The following TEKT5 variants were observed in gnomAD, a reference collection of about 807,000 sequenced individuals.
The protein encoded by TEKT5 is tektin 5.
In TEKT5, 52 loss-of-function variants were observed where a neutral mutation model predicts 48.7. The observed-to-expected ratio is 1.07, with a 90% CI of 0.86 to 1.35. The LOEUF (loss-of-function observed/expected upper bound fraction) is 1.35. TEKT5 is among the 40% of genes most tolerant of loss of function. The pLI, the probability that TEKT5 is intolerant of heterozygous loss-of-function variation, is 0.00. For missense variants in TEKT5, 831 were observed against 641.6 expected (o/e 1.30, Z -3.19); for synonymous variants, 318 against 267.6 (o/e 1.19, Z -1.84).
chr16:10,651,367 G>A (rs1029879386), intron 5 of TEKT5, among the ~76,000 whole-genome samples: 1 of 152,140 alleles, frequency 6.6e-6, no homozygotes, highest in African/African-American at 2.4e-5. Context: ...CTGGCATACT[G>A]TATGTTTTAC....
intron 4 of TEKT5, among the ~76,000 whole-genome samples, chr16:10,677,606 C>G (rs973458905): frequency 6.8e-6 from 1 of 146,516 alleles, no homozygotes; most frequent in South Asian, 2.2e-4. Flanking sequence ...AAGACCCTGT[C>G]CCCCCCAACA....
chr16:10,679,608 C>G (rs992009791), intron 4 of TEKT5, among the ~76,000 whole-genome samples: 1 of 152,022 alleles, frequency 6.6e-6, no homozygotes. Context: ...TTAAGAAAAC[C>G]CTAAGGCCAG....
intron 3 of TEKT5, 131 bp downstream of exon 3, chr16:10,689,122 A>G: frequency 1.6e-6 from 1 of 630,742 alleles, no homozygotes; most frequent in Non-Finnish European, 2.7e-6. Context: ...GTTGTTGAAC[A>G]TTTACCAGCA....
chr16:10,645,451 G>A (rs903912022), intron 5 of TEKT5, among the ~76,000 whole-genome samples: 9 of 152,106 alleles, frequency 5.9e-5, no homozygotes, highest in African/African-American at 1.9e-4. Flanking sequence ...GGTGAAGGCT[G>A]CAGTGAGCCG....
chr16:10,635,047 C>T (rs757649710), intron 6 of TEKT5, among the ~76,000 whole-genome samples: 3 of 152,152 alleles, frequency 2.0e-5, no homozygotes, highest in Non-Finnish European at 4.4e-5. Context: ...TAAGATAATG[C>T]CCCTAGCATG....
chr16:10,690,832 G>C (rs1187546096), intron 1 of TEKT5: 1 of 964,058 alleles, frequency 1.0e-6, no homozygotes, highest in African/African-American at 1.8e-5. Flanking sequence ...CCCAGGAGCA[G>C]AAGGAAGCAG....
At chr16:10,647,195 C>A (rs564921791) in intron 5 of TEKT5, among the ~76,000 whole-genome samples, 1 of 151,828 alleles carries the variant, frequency 6.6e-6, no homozygotes, top group African/African-American at 2.4e-5. Flanking sequence ...GTGGGCTGGG[C>A]GCGGTGGCTG....
intron 5 of TEKT5, among the ~76,000 whole-genome samples, chr16:10,667,929 GT>G: frequency 6.6e-6 from 1 of 151,824 alleles, no homozygotes; most frequent in Admixed American, 6.6e-5. Flanking sequence ...CCAGGCTGGA[GT>G]GCAGTGGCAT....
At chr16:10,670,476 G>C (rs551172094) in intron 5 of TEKT5, among the ~76,000 whole-genome samples, 33 of 152,222 alleles carry the variant, frequency 2.2e-4, no homozygotes, top group South Asian at 1.0e-3. Context: ...CCAAGATCTC[G>C]TCACTGCACT....
chr16:10,646,709 T>C (rs1031819192), intron 5 of TEKT5, among the ~76,000 whole-genome samples: 2 of 152,188 alleles, frequency 1.3e-5, no homozygotes, highest in Admixed American at 1.3e-4. Context: ...TGTTTCCTAC[T>C]GGTGGAGTCA....
chr16:10,659,629 G>A (rs1423018481), intron 5 of TEKT5, among the ~76,000 whole-genome samples: 1 of 152,158 alleles, frequency 6.6e-6, no homozygotes, highest in Non-Finnish European at 1.5e-5. Flanking sequence ...CCAAAGTGCT[G>A]GGATTACAGG....
intron 3 of TEKT5, among the ~76,000 whole-genome samples, chr16:10,686,611 A>C (rs1898865973): frequency 6.6e-6 from 1 of 152,240 alleles, no homozygotes; most frequent in Non-Finnish European, 1.5e-5. Flanking sequence ...ATGAGATTAC[A>C]TCAAACGAAA....
intron 5 of TEKT5, among the ~76,000 whole-genome samples, chr16:10,653,867 C>G (rs915443549): frequency 1.3e-5 from 2 of 152,150 alleles, no homozygotes; most frequent in East Asian, 3.9e-4. Context: ...GAGCCGAGAC[C>G]GAGCCATTGC....
chr16:10,673,175 T>C (rs999768216), intron 5 of TEKT5, among the ~76,000 whole-genome samples: 3 of 152,038 alleles, frequency 2.0e-5, no homozygotes, highest in African/African-American at 7.2e-5. Flanking sequence ...CACCCAGAGA[T>C]GGTGAGTGCA....
rs777142578 is a variant in TEKT5 at position 10,627,698 on chromosome 16, C to T, written c.1343G>A (p.Cys448Tyr). The T allele has an allele frequency of 6.2e-7, 1 of 1,614,238 alleles. No individual in the cohort carries two copies. The highest frequency in any genetic ancestry group is 1.7e-5 in the Admixed American group (1 of 60,030). ...GATGGCGAGCTCGTGCTCCAGCCGG[C>T]ACTTGGTCATGACCAGCAGCTGCAG... ...DTLQLLVMTK[C>Y]RLEHELAIKA... The change falls in exon 7 of 7, where the codon TGC (cysteine) becomes TAC (tyrosine). Residue 448 changes from cysteine (C) to tyrosine (Y), a missense_variant. Cys to Tyr is a radical substitution (Grantham distance 194). Transcript: ENST00000283025.
intron 5 of TEKT5, among the ~76,000 whole-genome samples, chr16:10,637,394 A>C: frequency 6.6e-6 from 1 of 151,862 alleles, no homozygotes; most frequent in East Asian, 1.9e-4. Context: ...TCAGTGAATA[A>C]AGAAGGAAGA....
At chr16:10,645,158 C>T (rs1898051671) in intron 5 of TEKT5, among the ~76,000 whole-genome samples, 1 of 152,116 alleles carries the variant, frequency 6.6e-6, no homozygotes. Context: ...GTTATAGTAG[C>T]ATGAATGCAA....
At chr16:10,687,984 C>T (rs1223075653) in intron 3 of TEKT5, among the ~76,000 whole-genome samples, 1 of 152,180 alleles carries the variant, frequency 6.6e-6, no homozygotes, top group Non-Finnish European at 1.5e-5. Context: ...TACAAACATT[C>T]CCATTTATAC....
chr16:10,665,975 G>A (rs540586776), intron 5 of TEKT5, among the ~76,000 whole-genome samples: 9 of 152,212 alleles, frequency 5.9e-5, no homozygotes, highest in Admixed American at 3.3e-4. Context: ...GGCTGGGCGC[G>A]GTGGCTCAGG....
Sources: gnomAD v4.1 joint callset for allele counts (sites outside exome capture counted in the v4.1 genomes callset) on GRCh38, gnomAD v4.1.1 for gene constraint, MANE v1.5 for transcripts, NCBI Gene and HGNC (gene_info 2026-07-23, HGNC 2026-07-21) for gene names.